The following COBL variants were observed in gnomAD, a reference collection of about 807,000 sequenced individuals.
The protein encoded by COBL is protein cordon-bleu.
A neutral mutation model predicts 98.8 loss-of-function variants in COBL; 51 were observed. That is an observed-to-expected ratio of 0.52 (90% CI 0.41 to 0.65). COBL has a LOEUF of 0.65. Ranked by LOEUF, COBL falls within the 30% of genes least tolerant of loss-of-function variation. COBL has a pLI of 0.00. For synonymous variants in COBL, 634 were observed against 651.7 expected, an observed-to-expected ratio of 0.97 and a Z score of 0.41; for missense variants, 1,617 against 1,617.5, an observed-to-expected ratio of 1.00 and a Z score of 0.01.
At chr7:51,265,616 G>C (rs1798126029) in intron 1 of COBL, among the ~76,000 whole-genome samples, 1 of 152,216 alleles carries the variant, frequency 6.6e-6, no homozygotes, top group African/African-American at 2.4e-5. Context: ...CCCCAACCAG[G>C]AGAAAGCCCT....
At chr7:51,199,696 A>G (rs553660572) in intron 2 of COBL, among the ~76,000 whole-genome samples, 77 of 152,168 alleles carry the variant, frequency 5.1e-4, no homozygotes, top group Non-Finnish European at 8.4e-4. Context: ...AAAACCCAAT[A>G]GACAGCTTCA....
intron 6 of COBL, among the ~76,000 whole-genome samples, chr7:51,097,395 A>C (rs1453104099): frequency 6.6e-6 from 1 of 152,222 alleles, no homozygotes; most frequent in Non-Finnish European, 1.5e-5. Context: ...GGAAGAAGGA[A>C]AGAATACCTT....
chr7:51,305,968 A>T (rs1283359013), intron 1 of COBL, among the ~76,000 whole-genome samples: 1 of 152,026 alleles, frequency 6.6e-6, no homozygotes, highest in Non-Finnish European at 1.5e-5. Context: ...CCCAGGAGAT[A>T]GAGGTTGCAG....
intron 5 of COBL, among the ~76,000 whole-genome samples, chr7:51,138,084 G>A (rs984895047): frequency 2.0e-5 from 3 of 152,162 alleles, no homozygotes; most frequent in Non-Finnish European, 4.4e-5. Context: ...CATGAAGGCT[G>A]CTTTTTACGC....
At chr7:51,043,359 C>T (rs1412483617) in intron 8 of COBL, 24 bp downstream of exon 8, 1 of 1,606,226 alleles carries the variant, frequency 6.2e-7, no homozygotes, top group African/African-American at 1.3e-5. Flanking sequence ...ACTTCCGTAC[C>T]CACCCATCCT....
In COBL at chr7:51,275,499, T is replaced by C. The variant is rs149307616; in HGVS notation, c.41+41094A>G. Among the ~76,000 whole-genome samples, 857 of 152,274 alleles carry C rather than the reference T, an allele frequency of 5.6e-3. 3 individuals are homozygous for C. The highest frequency in any genetic ancestry group is 0.02 in the African/African-American group (827 of 41,546). On this transcript the variant is annotated intron_variant, in intron 1 of 12. Coordinates refer to ENST00000265136, the MANE Select transcript of COBL (RefSeq NM_015198.5). ...CTGAGATCCCAGCTCCACGGCCACA[T>C]GTGGTCACCGCAGCCCATGCAGAGC...
rs543757717 is a variant in COBL, at chr7:51,144,422, C to T, written c.784-8091G>A. 5.9e-5 allele frequency among the ~76,000 whole-genome samples: 9 copies of T among 152,244 alleles called. No individual in the cohort carries two copies. In the East Asian group the frequency reaches 1.5e-3, roughly 26 times the overall value. ...TTCGAAAACTCAGCTGCACGGAACT[C>T]CCTGGAGCTTTAATGATGCACACAC... On this transcript the variant is annotated intron_variant, in intron 5 of 12. Coordinates refer to ENST00000265136, the MANE Select transcript of COBL (RefSeq NM_015198.5).
At chr7:51,172,370 T>G in intron 5 of COBL, 1 of 809,402 alleles carries the variant, frequency 1.2e-6, no homozygotes, top group Non-Finnish European at 1.7e-6. Context: ...ACTAAACCAG[T>G]CTGTGATTTC....
chr7:51,170,154 G>T (rs1383235910), intron 5 of COBL, among the ~76,000 whole-genome samples: 1 of 151,654 alleles, frequency 6.6e-6, no homozygotes, highest in Admixed American at 6.6e-5. Context: ...TGATTCATTC[G>T]ATTTTTTTTC....
chr7:51,299,705 C>T (rs980409301), intron 1 of COBL, among the ~76,000 whole-genome samples: 3 of 152,184 alleles, frequency 2.0e-5, no homozygotes, highest in African/African-American at 7.2e-5. Flanking sequence ...CCTGAGCAAG[C>T]TGCTCAACCT....
intron 7 of COBL, among the ~76,000 whole-genome samples, chr7:51,081,093 A>T (rs6960942): frequency 6.6e-6 from 1 of 151,992 alleles, no homozygotes; most frequent in Non-Finnish European, 1.5e-5. Context: ...AGCGCGGGGC[A>T]GGAGCGGGGC....
chr7:51,147,408 G>A (rs1785129771), intron 5 of COBL, among the ~76,000 whole-genome samples: 1 of 152,224 alleles, frequency 6.6e-6, no homozygotes. Context: ...CTCACCAGCA[G>A]TTTTGCCAGG....
chr7:51,052,417 T>C (rs1790334703), intron 7 of COBL, among the ~76,000 whole-genome samples: 1 of 152,240 alleles, frequency 6.6e-6, no homozygotes, highest in African/African-American at 2.4e-5. Flanking sequence ...GAACAAATCT[T>C]GGATCCATTT....
intron 5 of COBL, among the ~76,000 whole-genome samples, chr7:51,166,841 G>T (rs531090746): frequency 6.6e-6 from 1 of 152,084 alleles, no homozygotes. Flanking sequence ...TCAACAGAAT[G>T]AAGGATAAAA....
intron 5 of COBL, chr7:51,156,125 T>C (rs1194547482): frequency 6.1e-6 from 6 of 976,926 alleles, no homozygotes; most frequent in Non-Finnish European, 6.1e-6. Context: ...AGAAAACAAA[T>C]ATCAAAGACA....
intron 7 of COBL, among the ~76,000 whole-genome samples, chr7:51,075,250 T>C (rs576306986): frequency 7.0e-4 from 107 of 152,388 alleles, no homozygotes; most frequent in Middle Eastern, 3.4e-3. Flanking sequence ...CTGTCTTATA[T>C]CTAGACAATT....
At chr7:51,103,606 C>T (rs888613187) in intron 6 of COBL, among the ~76,000 whole-genome samples, 20 of 152,088 alleles carry the variant, frequency 1.3e-4, no homozygotes, top group African/African-American at 4.8e-4. Flanking sequence ...TACCATTTTA[C>T]TTTAAATAAA....
chr7:51,211,095 A>C (rs779555910), intron 2 of COBL, among the ~76,000 whole-genome samples: 1 of 152,196 alleles, frequency 6.6e-6, no homozygotes, highest in Non-Finnish European at 1.5e-5. Flanking sequence ...ACAAGACCTC[A>C]GTAGGTCACT....
At chr7:51,070,263 C>A (rs945333338) in intron 7 of COBL, among the ~76,000 whole-genome samples, 8 of 152,174 alleles carry the variant, frequency 5.3e-5, no homozygotes, top group Middle Eastern at 3.4e-3. Context: ...ATACTTGAAC[C>A]TCTGTCTTCA....
Sources: gnomAD v4.1 joint callset for allele counts (sites outside exome capture counted in the v4.1 genomes callset) on GRCh38, gnomAD v4.1.1 for gene constraint, MANE v1.5 for transcripts, NCBI Gene and HGNC (gene_info 2026-07-23, HGNC 2026-07-21) for gene names.